TATDN3: variants seen among roughly 807,000 people sequenced by gnomAD.
TATDN3 encodes TatD DNase domain containing 3.
In TATDN3, 29 loss-of-function variants were observed where a neutral mutation model predicts 40.1. The ratio of observed to expected loss-of-function variants is 0.72; its 90% CI spans 0.54 to 0.99. The LOEUF (loss-of-function observed/expected upper bound fraction) is 0.99, where lower values mean the gene tolerates loss of function less well. Ranked by LOEUF, TATDN3 falls within the 50% of genes least tolerant of loss-of-function variation. The probability of loss-of-function intolerance (pLI) is 0.00; values close to 1 mark genes in which losing one functional copy is unlikely to be tolerated. For missense variants in TATDN3, 309 were observed against 321.9 expected (o/e 0.96, Z 0.31); for synonymous variants, 105 against 117.0 (o/e 0.90, Z 0.66).
intron 9 of TATDN3, among the ~76,000 whole-genome samples, chr1:212,813,839 T>C (rs1382293502): frequency 6.6e-6 from 1 of 152,184 alleles, no homozygotes. Flanking sequence ...GCCTCCCTAG[T>C]AGCTGGGATT....
intron 7 of TATDN3, among the ~76,000 whole-genome samples, chr1:212,806,458 C>A (rs1018091262): frequency 1.3e-5 from 2 of 149,174 alleles, no homozygotes; most frequent in Non-Finnish European, 3.0e-5. Context: ...GCAACCTCCA[C>A]CTCCTGGGCT....
intron 1 of TATDN3, among the ~76,000 whole-genome samples, chr1:212,793,933 T>C (rs1236154229): frequency 6.6e-6 from 1 of 152,088 alleles, no homozygotes; most frequent in Admixed American, 6.5e-5. Context: ...CAAATGAAGA[T>C]GTCATAATTT....
intron 5 of TATDN3, among the ~76,000 whole-genome samples, chr1:212,803,649 G>A (rs144118133): frequency 2.2e-4 from 33 of 151,978 alleles, no homozygotes; most frequent in African/African-American, 7.5e-4. Context: ...GCCACTTAAC[G>A]GCTTCTGAGC....
In TATDN3 at chr1:212,804,510, A is replaced by G. The variant is rs997298220; in HGVS notation, c.431+81A>G. 3.9e-6 allele frequency: 6 copies of G among 1,551,626 alleles called. No individual in the cohort carries two copies. In the African/African-American group the frequency reaches 6.8e-5, roughly 18 times the overall value. On this transcript the variant is annotated intron_variant, in intron 6 of 9. Coordinates refer to ENST00000366974, the MANE Select transcript of TATDN3 (RefSeq NM_001042552.3). ...GAGTTCTCCTGAAATGGAACTCTAC[A>G]TTTATTTTTCTCCAAACTACTTTAA... is the stretch of plus-strand genomic sequence containing the variant.
In TATDN3 at chr1:212,815,416, C is replaced by T. The variant is rs966518541; in HGVS notation, c.*260C>T. 1.1e-5 allele frequency: 4 copies of T among 354,778 alleles called. No individual in the cohort carries two copies. The South Asian group carries it at 1.6e-4, about 14-fold the overall frequency. 22.0% of individuals were successfully genotyped at this position (354,778 alleles called of 1,614,324 possible). ...GAAAATACTGCTACTTCTTACATTGCCCTTTTATATAGAACCACCACCTGA... is the reference window on the plus strand; with the variant it reads ...GAAAATACTGCTACTTCTTACATTGTCCTTTTATATAGAACCACCACCTGA... On this transcript the variant is annotated 3_prime_UTR_variant, in exon 10 of 10. Coordinates refer to ENST00000366974, the MANE Select transcript of TATDN3 (RefSeq NM_001042552.3).
chr1:212,806,829 T>TATATAC (rs1375549346), intron 7 of TATDN3, among the ~76,000 whole-genome samples: 3 of 56,326 alleles, frequency 5.3e-5, no homozygotes, highest in East Asian at 5.7e-4. Flanking sequence ...CATATATACA[T>TATATAC]ATATATACAT....
intron 9 of TATDN3, among the ~76,000 whole-genome samples, chr1:212,814,470 T>TAAGTCA (rs1663078979): frequency 6.6e-6 from 1 of 152,198 alleles, no homozygotes. Flanking sequence ...GAAAAAACAC[T>TAAGTCA]GCCAGTTATA....
chr1:212,813,883 G>T (rs1286412763), intron 9 of TATDN3, among the ~76,000 whole-genome samples: 6 of 151,636 alleles, frequency 4.0e-5, no homozygotes, highest in African/African-American at 1.5e-4. Flanking sequence ...GCTGATTTTT[G>T]TATTTTTAGT....
chr1:212,812,795 G>C (rs1343007023), intron 9 of TATDN3, among the ~76,000 whole-genome samples: 3 of 152,220 alleles, frequency 2.0e-5, no homozygotes, highest in African/African-American at 7.2e-5. Context: ...CTGAGGTCAG[G>C]AGTTCGAGAC....
At chr1:212,814,011 G>T (rs1385760235) in intron 9 of TATDN3, among the ~76,000 whole-genome samples, 1 of 151,280 alleles carries the variant, frequency 6.6e-6, no homozygotes, top group South Asian at 2.1e-4. Context: ...ATAGAGACAA[G>T]GTCTCACTAT....
At chr1:212,795,257 T>C in intron 2 of TATDN3, 130 bp downstream of exon 2, 1 of 357,024 alleles carries the variant, frequency 2.8e-6, no homozygotes, top group Non-Finnish European at 4.9e-6. Context: ...TTTTTATTTT[T>C]ATTATTTTAT....
At chr1:212,800,590 T>TA (rs1325960777) in intron 4 of TATDN3, among the ~76,000 whole-genome samples, 2 of 152,100 alleles carry the variant, frequency 1.3e-5, no homozygotes, top group Non-Finnish European at 2.9e-5. Context: ...TTTTCTATAA[T>TA]AAAAAAATCT....
intron 4 of TATDN3, 68 bp downstream of exon 4, chr1:212,797,264 C>T: frequency 1.8e-6 from 2 of 1,118,318 alleles, no homozygotes; most frequent in South Asian, 1.3e-5. Context: ...CTCAGTAATC[C>T]TCCTCTTTCT....
At position 212,814,946 on chromosome 1, in the gene TATDN3, T is replaced by G; in HGVS notation, c.682-67T>G. 2.0e-6 allele frequency: 3 copies of G among 1,517,612 alleles called. No homozygotes were observed. In the East Asian group the frequency reaches 7.0e-5, roughly 35 times the overall value. The allele number at this position is 1,517,612 out of a possible 1,614,324, so 94.0% of individuals were successfully genotyped here. ...TTTTACCAACTCATTTTCTTCTATC[T>G]ATAGTCTCCAAGGATCTGCTTCCCT... On this transcript the variant is annotated intron_variant, in intron 9 of 9. Coordinates refer to ENST00000366974, the MANE Select transcript of TATDN3 (RefSeq NM_001042552.3).
chr1:212,811,903 A>G (rs1315416501), intron 8 of TATDN3, among the ~76,000 whole-genome samples: 3 of 151,982 alleles, frequency 2.0e-5, no homozygotes, highest in Non-Finnish European at 4.4e-5. Context: ...GGGTTTCACC[A>G]TGTTGGCCAG....
At chr1:212,805,312 G>A (rs1327239879) in intron 7 of TATDN3, among the ~76,000 whole-genome samples, 1 of 152,050 alleles carries the variant, frequency 6.6e-6, no homozygotes, top group South Asian at 2.1e-4. Flanking sequence ...CTGGAGTGCA[G>A]TGGCGCAATC....
chr1:212,797,331 G>A, intron 4 of TATDN3, 135 bp downstream of exon 4: 1 of 667,252 alleles, frequency 1.5e-6, no homozygotes, highest in Middle Eastern at 2.8e-4. Context: ...CTTTAACAAA[G>A]ATGTTTGTTG....
At chr1:212,812,793 A>G (rs994434505) in intron 9 of TATDN3, among the ~76,000 whole-genome samples, 2 of 152,238 alleles carry the variant, frequency 1.3e-5, no homozygotes, top group African/African-American at 4.8e-5. Context: ...ACCTGAGGTC[A>G]GGAGTTCGAG....
intron 4 of TATDN3, 118 bp downstream of exon 4, chr1:212,797,314 T>C (rs79335170): frequency 0.03 from 21,953 of 735,730 alleles, 437 homozygotes; most frequent in South Asian, 0.044. Flanking sequence ...GAAGGAAACA[T>C]TACCTTCTTT....
Sources: gnomAD v4.1 joint callset for allele counts (sites outside exome capture counted in the v4.1 genomes callset) on GRCh38, gnomAD v4.1.1 for gene constraint, MANE v1.5 for transcripts, NCBI Gene and HGNC (gene_info 2026-07-23, HGNC 2026-07-21) for gene names.